Variants in PEPD observed in about 807,000 individuals in gnomAD.
The protein encoded by PEPD is peptidase D.
In PEPD, 53 loss-of-function variants were observed where a neutral mutation model predicts 60.7. The ratio of observed to expected loss-of-function variants is 0.87; its 90% confidence interval spans 0.70 to 1.10. PEPD has a LOEUF of 1.10. PEPD is among the 50% of genes least tolerant of loss of function. The pLI, the probability that PEPD is intolerant of heterozygous loss-of-function variation, is 0.00. For synonymous variants in PEPD, 267 were observed against 284.1 expected (o/e 0.94, Z 0.60); for missense variants, 711 against 711.9 (o/e 1.00, Z 0.01).
chr19:33,492,038 C>CT (rs1970509466), intron 5 of PEPD, among the ~76,000 whole-genome samples: 1 of 131,074 alleles, frequency 7.6e-6, no homozygotes, highest in Non-Finnish European at 1.6e-5. Context: ...TTTTATATTC[C>CT]ATTTCAAAAA....
chr19:33,420,841 G>A (rs151153316), intron 9 of PEPD, among the ~76,000 whole-genome samples: 185 of 152,306 alleles, frequency 1.2e-3, no homozygotes, highest in African/African-American at 4.4e-3. Flanking sequence ...CACAACTTGG[G>A]CACGCCTGTG....
At chr19:33,417,385 G>A (rs142030174) in intron 9 of PEPD, among the ~76,000 whole-genome samples, 47 of 152,306 alleles carry the variant, frequency 3.1e-4, no homozygotes, top group Middle Eastern at 6.8e-3. Context: ...TGGGACATGG[G>A]GTTACAAACC....
At chr19:33,513,397 G>A (rs1041930914) in intron 1 of PEPD, among the ~76,000 whole-genome samples, 2 of 152,040 alleles carry the variant, frequency 1.3e-5, no homozygotes, top group Non-Finnish European at 2.9e-5. Context: ...CTGAACCAAA[G>A]TCGCTCCTCC....
At chr19:33,490,501 T>C (rs1339416560) in intron 5 of PEPD, among the ~76,000 whole-genome samples, 1 of 152,082 alleles carries the variant, frequency 6.6e-6, no homozygotes, top group East Asian at 1.9e-4. Context: ...TCTGGGGAGG[T>C]GTGCAGGACC....
At chr19:33,463,088 T>A (rs1345068352) in intron 8 of PEPD, 47 bp from the exon 9 acceptor site, 2 of 1,122,572 alleles carry the variant, frequency 1.8e-6, no homozygotes, top group Non-Finnish European at 2.7e-6. Context: ...AGCAGATCAG[T>A]AACACAGCGT....
At chr19:33,483,829 T>C (rs1016636706) in intron 6 of PEPD, among the ~76,000 whole-genome samples, 2 of 151,696 alleles carry the variant, frequency 1.3e-5, no homozygotes, top group African/African-American at 4.9e-5. Context: ...AAAAAGCCTG[T>C]CTCTTTAAAA....
chr19:33,413,878 G>A lies in PEPD; in HGVS notation c.672-235C>T, dbSNP rs114330795. Reference sequence around the variant, plus strand: ...AGAGAAGCTGGGGGCCCAGCAGGGCGCAGCCACCTGCCAGAGGAGCTCGCC... The same window carrying A: ...AGAGAAGCTGGGGGCCCAGCAGGGCACAGCCACCTGCCAGAGGAGCTCGCC... On this transcript the variant is annotated intron_variant, in intron 9 of 14. Coordinates refer to ENST00000244137, the MANE Select transcript of PEPD (RefSeq NM_000285.4). Among the ~76,000 whole-genome samples the A allele has an allele frequency of 0.04, 6,039 of 152,332 alleles. 148 individuals are homozygous for A. The highest frequency in any genetic ancestry group is 0.065 in the African/African-American group (2,709 of 41,568).
At chr19:33,393,227 GT>G in intron 12 of PEPD, among the ~76,000 whole-genome samples, 1 of 108,122 alleles carries the variant, frequency 9.2e-6, no homozygotes, top group Non-Finnish European at 1.9e-5. Flanking sequence ...CGGGGAGGCC[GT>G]CCCGGGGTCT....
intron 3 of PEPD, among the ~76,000 whole-genome samples, chr19:33,507,058 C>A (rs1461847088): frequency 6.6e-6 from 1 of 152,098 alleles, no homozygotes; most frequent in African/African-American, 2.4e-5. Context: ...ACACAGCCCC[C>A]CACACATACA....
chr19:33,511,271 G>T, intron 2 of PEPD, 116 bp from the exon 3 acceptor site: 2 of 1,036,204 alleles, frequency 1.9e-6, no homozygotes, highest in Non-Finnish European at 2.9e-6. Flanking sequence ...TCCTGTAACT[G>T]ACCCCAGCCC....
intron 3 of PEPD, among the ~76,000 whole-genome samples, chr19:33,506,679 C>T (rs989376712): frequency 2.8e-5 from 4 of 143,790 alleles, no homozygotes; most frequent in Non-Finnish European, 4.6e-5. Context: ...ACCCTACACA[C>T]CTCACACACC....
chr19:33,517,690 G>C (rs1971049598), intron 1 of PEPD, among the ~76,000 whole-genome samples: 1 of 151,974 alleles, frequency 6.6e-6, no homozygotes, highest in Non-Finnish European at 1.5e-5. Context: ...CCACTGGCCA[G>C]GTGCGGTGGC....
chr19:33,410,966 C>A (rs1391266352), intron 11 of PEPD, among the ~76,000 whole-genome samples: 1 of 152,098 alleles, frequency 6.6e-6, no homozygotes, highest in African/African-American at 2.4e-5. Context: ...AGTACTCACA[C>A]ACCTCCTCCC....
At chr19:33,425,295 T>TC (rs1268342699) in intron 9 of PEPD, among the ~76,000 whole-genome samples, 32 of 120,500 alleles carry the variant, frequency 2.7e-4, no homozygotes, top group Non-Finnish European at 4.9e-4. Flanking sequence ...AGATTCAGTC[T>TC]CAAAACAAAC....
chr19:33,435,868 C>T (rs1969366268), intron 9 of PEPD, among the ~76,000 whole-genome samples: 2 of 152,216 alleles, frequency 1.3e-5, no homozygotes, highest in South Asian at 4.1e-4. Flanking sequence ...TCCAGGCTCT[C>T]AGCAGGTCCT....
Position 33,423,362 on chromosome 19 carries a change from A to G in PEPD, c.672-9719T>C, listed in dbSNP as rs60500317. On this transcript the variant is annotated intron_variant, in intron 9 of 14. Coordinates refer to ENST00000244137, the MANE Select transcript of PEPD (RefSeq NM_000285.4). The stretch of plus-strand genomic sequence containing the variant: ...CTGCCTCTCTGTATGATGGCCACGC[A>G]TGGCCTTGTGCCTCTTCACTGTCCT... 4.6e-3 allele frequency among the ~76,000 whole-genome samples: 695 copies of G among 152,376 alleles called. 7 individuals carry two copies. The highest frequency in any genetic ancestry group is 0.016 in the African/African-American group (653 of 41,588).
In PEPD at chr19:33,387,909, C is replaced by A; in HGVS notation, c.1325G>T (p.Arg442Leu). 2 of 1,580,192 alleles carry A rather than the reference C, an allele frequency of 1.3e-6. No individual in the cohort carries two copies. Among genetic ancestry groups the A allele is most frequent in the Non-Finnish European group, 1.7e-6 (2 of 1,163,610 alleles). Residue 442 changes from arginine (R) to leucine (L), a missense_variant, in exon 14 of 15, where the codon CGC becomes CTC. By Grantham distance (102) the Arg-to-Leu change is moderately radical (BLOSUM62 -2). Transcript: ENST00000244137. ...ASFLNREVLQ[R>L]FRGFGGVRIE... The stretch of plus-strand genomic sequence containing the variant: ...ACTCACCCCGCCAAAACCGCGAAAG[C>A]GCTGCAGGACCTCGCGGTTAAGGAA...
chr19:33,497,317 C>T (rs949323708), intron 4 of PEPD, among the ~76,000 whole-genome samples: 1 of 152,224 alleles, frequency 6.6e-6, no homozygotes, highest in African/African-American at 2.4e-5. Context: ...ATATGCCTGG[C>T]GCCATAAAGG....
At chr19:33,423,554 C>T (rs954660159) in intron 9 of PEPD, among the ~76,000 whole-genome samples, 4 of 152,244 alleles carry the variant, frequency 2.6e-5, no homozygotes, top group African/African-American at 9.6e-5. Context: ...GGGTAAAACA[C>T]AAAAGTATTT....
Sources: gnomAD v4.1 joint callset for allele counts (sites outside exome capture counted in the v4.1 genomes callset) on GRCh38, gnomAD v4.1.1 for gene constraint, MANE v1.5 for transcripts, NCBI Gene and HGNC (gene_info 2026-07-23, HGNC 2026-07-21) for gene names.